Variants in FGD5 observed in about 807,000 individuals in gnomAD.
The protein encoded by FGD5 is FYVE, RhoGEF and PH domain containing 5, also known as FYVE, RhoGEF and PH domain-containing protein 5.
A neutral mutation model predicts 133.4 loss-of-function variants in FGD5; 28 were observed. That is an observed-to-expected ratio of 0.21 (90% CI 0.16 to 0.29). FGD5 has a LOEUF of 0.29. Among genes scored for constraint, FGD5 ranks in the 10% least tolerant of loss-of-function variants. The pLI, the probability that FGD5 is intolerant of heterozygous loss-of-function variation, is 1.00. For synonymous variants in FGD5, 810 were observed against 776.5 expected (o/e 1.04, Z -0.72); for missense variants, 1,858 against 1,895.2 (o/e 0.98, Z 0.36).
At chr3:14,900,603 T>C in intron 8 of FGD5, 150 bp downstream of exon 8, 1 of 852,072 alleles carries the variant, frequency 1.2e-6, no homozygotes, top group Non-Finnish European at 1.9e-6. Context: ...CTTGGACTTC[T>C]GTGAGAGCCC....
intron 9 of FGD5, among the ~76,000 whole-genome samples, chr3:14,901,971 C>T (rs1412224320): frequency 1.3e-5 from 2 of 152,060 alleles, no homozygotes; most frequent in African/African-American, 2.4e-5. Context: ...GTGGCCCTTC[C>T]AGCCGAGGTT....
intron 9 of FGD5, 80 bp downstream of exon 9, chr3:14,901,141 C>A: frequency 6.9e-7 from 1 of 1,455,566 alleles, no homozygotes; most frequent in Non-Finnish European, 9.7e-7. Context: ...CCTTCTGATG[C>A]CCCACTCCTA....
At chr3:14,882,376 A>G in intron 4 of FGD5, 1 of 984,450 alleles carries the variant, frequency 1.0e-6, no homozygotes, top group Non-Finnish European at 1.2e-6. Context: ...TAAGATCCTG[A>G]GGATGGGGTG....
At chr3:14,914,182 A>G (rs2038506168) in intron 11 of FGD5, among the ~76,000 whole-genome samples, 1 of 152,252 alleles carries the variant, frequency 6.6e-6, no homozygotes, top group Admixed American at 6.5e-5. Flanking sequence ...GCCATGGTGA[A>G]CAAACACACT....
intron 1 of FGD5, among the ~76,000 whole-genome samples, chr3:14,831,566 G>C (rs1326680529): frequency 6.6e-6 from 1 of 152,134 alleles, no homozygotes; most frequent in Non-Finnish European, 1.5e-5. Context: ...CTTCCCAGAA[G>C]ACCATGCTAG....
At chr3:14,821,739 T>C (rs2036508478) in intron 1 of FGD5, 143 bp downstream of exon 1, 1 of 1,169,920 alleles carries the variant, frequency 8.5e-7, no homozygotes, top group Non-Finnish European at 1.2e-6. Flanking sequence ...AGTGGCTTTA[T>C]ATCTCTGAGC....
chr3:14,846,154 C>T (rs998443942), intron 1 of FGD5, among the ~76,000 whole-genome samples: 17 of 152,158 alleles, frequency 1.1e-4, no homozygotes, highest in East Asian at 1.9e-4. Context: ...TAATTGAACC[C>T]GTGTGGCTGG....
At chr3:14,900,523 C>T in intron 8 of FGD5, 70 bp downstream of exon 8, 1 of 1,552,098 alleles carries the variant, frequency 6.4e-7, no homozygotes, top group Non-Finnish European at 8.8e-7. Flanking sequence ...AGCCTGGACC[C>T]TGCCCCAATT....
rs2036438195 is a variant in FGD5 at position 14,819,520 on chromosome 3, G to T, written c.449G>T (p.Cys150Phe). Residue 150 changes from cysteine (C) to phenylalanine (F), a missense_variant, in exon 1 of 20, where the codon TGC becomes TTC. Cys to Phe is a radical substitution (Grantham distance 205). Around this residue, in one of 3 missense-constraint regions of FGD5, gnomAD observed 1,824 missense variants for 1,848.9 expected, o/e 0.99. Coordinates refer to ENST00000285046, the MANE Select transcript of FGD5 (RefSeq NM_152536.4). This position sits in a 1 kb window ranked among gnomAD's most constrained non-coding sequence, Gnocchi z 4.1. Reference protein sequence around the residue: ...DLALEDEGEGCADEPGTLEQV... With the variant: ...DLALEDEGEGFADEPGTLEQV... ...GCTCTTGAGGATGAAGGGGAGGGCT[G>T]CGCTGATGAGCCAGGGACACTGGAG... 2 of 1,551,376 alleles carry T rather than the reference G, an allele frequency of 1.3e-6. No individual in the cohort carries two copies. Among genetic ancestry groups the T allele is most frequent in the African/African-American group, 2.7e-5 (2 of 73,030 alleles).
chr3:14,874,206 A>G (rs1397129935), intron 2 of FGD5, among the ~76,000 whole-genome samples: 1 of 152,162 alleles, frequency 6.6e-6, no homozygotes, highest in Non-Finnish European at 1.5e-5. Flanking sequence ...ATACTGCATG[A>G]GTGCACTTAC....
chr3:14,813,651 C>G (rs536060239), intron 1 of FGD5, among the ~76,000 whole-genome samples: 87 of 152,122 alleles, frequency 5.7e-4, no homozygotes, highest in Non-Finnish European at 9.3e-4. Flanking sequence ...GACTGACTGA[C>G]TGGTCCCGTC....
rs750653651 is a variant in FGD5, at chr3:14,924,055, G to A, written c.3985G>A (p.Gly1329Ser). The change falls in exon 17 of 20, where the codon GGC (glycine) becomes AGC (serine). Residue 1329 changes from glycine (G) to serine (S), a missense_variant. Transcript: ENST00000285046. Reference sequence around the variant, plus strand: ...CCCGCTGTCTTCACCCCGCTTCTCGGGCAGTGCCTTTTCATCCGTCTTCCA... The same window carrying A: ...CCCGCTGTCTTCACCCCGCTTCTCGAGCAGTGCCTTTTCATCCGTCTTCCA... ...SFPLSSPRFS[G>S]SAFSSVFQSI... The A allele has an allele frequency of 6.2e-6, 10 of 1,613,906 alleles. No homozygotes were observed. In the Admixed American group the frequency reaches 1.7e-4, roughly 27 times the overall value.
At chr3:14,830,761 C>A (rs1383554475) in intron 1 of FGD5, among the ~76,000 whole-genome samples, 1 of 152,130 alleles carries the variant, frequency 6.6e-6, no homozygotes, top group Non-Finnish European at 1.5e-5. Context: ...GGCTGTCAGG[C>A]ATAGCATGCA....
At chr3:14,915,608 C>G (rs138370302) in intron 11 of FGD5, among the ~76,000 whole-genome samples, 278 of 152,084 alleles carry the variant, frequency 1.8e-3, no homozygotes, top group African/African-American at 6.3e-3. Flanking sequence ...TAGGGCTCAT[C>G]CTGGTTGATG....
chr3:14,873,864 G>A (rs543929098), intron 2 of FGD5, among the ~76,000 whole-genome samples: 2 of 152,064 alleles, frequency 1.3e-5, no homozygotes, highest in Non-Finnish European at 2.9e-5. Context: ...TGGGACTACA[G>A]GCTCACGCCA....
At chr3:14,826,886 G>A (rs1185273438) in intron 1 of FGD5, among the ~76,000 whole-genome samples, 1 of 152,160 alleles carries the variant, frequency 6.6e-6, no homozygotes, top group African/African-American at 2.4e-5. Context: ...ATAGGATGTG[G>A]CATGAACTGT....
intron 4 of FGD5, among the ~76,000 whole-genome samples, chr3:14,892,591 G>A (rs1022665089): frequency 6.6e-6 from 1 of 152,190 alleles, no homozygotes. Context: ...GCCGAGGCGG[G>A]CAGATCACCT....
rs1319751784 is a variant in FGD5, at chr3:14,933,413, A to C, written c.*246A>C. The C allele has an allele frequency of 5.6e-6, 3 of 531,366 alleles. No individual in the cohort carries two copies. The African/African-American group carries it at 5.7e-5, about 10-fold the overall frequency. 32.9% of individuals were successfully genotyped at this position (531,366 alleles called of 1,614,324 possible). On this transcript the variant is annotated 3_prime_UTR_variant, in exon 20 of 20. Transcript: ENST00000285046. ...CCACCCCTACCCCCACCCGCCACCC[A>C]GTAATAAACTATTTCCTTACCCCGC...
intron 13 of FGD5, chr3:14,920,592 GGA>G (rs1394249551): frequency 2.6e-5 from 4 of 152,224 alleles, no homozygotes; most frequent in Non-Finnish European, 5.9e-5. Context: ...ATTACAGGTA[GGA>G]GAGTTGTAAA....
Sources: allele counts gnomAD v4.1 joint callset (sites outside exome capture counted in the v4.1 genomes callset), GRCh38; gene constraint gnomAD v4.1.1; regional missense constraint gnomAD v4.1.1; non-coding constraint Gnocchi (gnomAD v3.1); transcripts MANE v1.5; gene names NCBI Gene and HGNC (gene_info 2026-07-23, HGNC 2026-07-21).